RUNX3: variants seen among roughly 807,000 people sequenced by gnomAD.
RUNX3 encodes runt-related transcription factor 3.
Under a neutral mutation model 27.7 loss-of-function variants are expected in RUNX3, and 10 were observed. The observed-to-expected ratio is 0.36, with a 90% CI of 0.22 to 0.61. The LOEUF is 0.61. Among genes scored for constraint, RUNX3 ranks in the 20% least tolerant of loss-of-function variants. RUNX3 has a pLI of 0.72. For missense variants in RUNX3, 469 were observed against 629.5 expected (o/e 0.75, Z 2.73); for synonymous variants, 270 against 269.2 (o/e 1.00, Z -0.03).
intron 1 of RUNX3, chr1:24,929,065 G>A (rs910062649): frequency 6.6e-6 from 3 of 457,778 alleles, no homozygotes; most frequent in Non-Finnish European, 1.3e-5. Flanking sequence ...ATATCCCCGA[G>A]CAAACGTCTG....
intron 2 of RUNX3, among the ~76,000 whole-genome samples, chr1:24,963,318 T>G (rs1642168825): frequency 6.6e-6 from 1 of 152,022 alleles, no homozygotes; most frequent in Non-Finnish European, 1.5e-5. Context: ...CCTGAATCAC[T>G]CGGTCAGCCA....
At chr1:24,920,423 T>C (rs1345588607) in intron 2 of RUNX3, among the ~76,000 whole-genome samples, 2 of 152,200 alleles carry the variant, frequency 1.3e-5, no homozygotes, top group Non-Finnish European at 2.9e-5. Context: ...CCCTCGCGTG[T>C]GAGGCTGCGT....
chr1:24,951,932 G>A (rs1487935610), intron 2 of RUNX3, among the ~76,000 whole-genome samples: 1 of 152,182 alleles, frequency 6.6e-6, no homozygotes, highest in Non-Finnish European at 1.5e-5. Flanking sequence ...TTATGCCACT[G>A]CACTCCAGCC....
intron 3 of RUNX3, among the ~76,000 whole-genome samples, chr1:24,911,858 C>G (rs908915941): frequency 6.6e-6 from 1 of 152,238 alleles, no homozygotes; most frequent in Non-Finnish European, 1.5e-5. Flanking sequence ...ACCCCGGAAC[C>G]CACGCTCCCA....
rs765326218 is a variant in RUNX3, at chr1:24,929,638, G to T, written c.231C>A (p.Ser77=). The T allele has an allele frequency of 1.9e-6, 3 of 1,607,506 alleles. No homozygotes were observed. The highest frequency in any genetic ancestry group is 2.5e-6 in the Non-Finnish European group (3 of 1,178,638). The change falls in exon 1 of 5, where the codon TCC becomes TCA. Residue 77 remains serine (S), a synonymous_variant. Transcript: ENST00000308873. ...VRTDSPNFLC[S]VLPSHWRCNK... ...TGCAGCGCCAGTGCGAGGGCAGCAC[G>T]GAGCAGAGGAAGTTGGGGCTGTCGG...
intron 2 of RUNX3, among the ~76,000 whole-genome samples, chr1:24,949,421 G>C (rs1641701790): frequency 6.6e-6 from 1 of 152,068 alleles, no homozygotes; most frequent in Admixed American, 6.5e-5. Context: ...AGCATTTACT[G>C]AGCACCTCCT....
chr1:24,951,628 G>T (rs772370314), intron 2 of RUNX3, among the ~76,000 whole-genome samples: 10 of 152,160 alleles, frequency 6.6e-5, no homozygotes, highest in African/African-American at 1.9e-4. Context: ...AACCAAGCTC[G>T]TGGGGGCACC....
rs1029645604 is a variant in RUNX3, at chr1:24,962,545, G to A, written c.58+1969C>T. 9.8e-5 allele frequency among the ~76,000 whole-genome samples: 15 copies of A among 152,308 alleles called. No individual in the cohort carries two copies. Among genetic ancestry groups the A allele is most frequent in the Admixed American group, 5.9e-4 (9 of 15,302 alleles). On this transcript the variant is annotated intron_variant, in intron 2 of 6. Transcript: ENST00000338888. This position sits in a 1 kb window ranked among gnomAD's most constrained non-coding sequence, Gnocchi z 4.5. ...GGAGACAGGCCCCCATGGCGAGCAC[G>A]TCGTGAGCAGAAATGAACAGGAGAG...
chr1:24,949,053 A>T (rs1450023457), intron 2 of RUNX3, among the ~76,000 whole-genome samples: 3 of 152,052 alleles, frequency 2.0e-5, no homozygotes, highest in African/African-American at 4.8e-5. Flanking sequence ...TTATAACCAC[A>T]GTGAACACTG....
At chr1:24,917,953 C>T (rs2124278451) in intron 3 of RUNX3, among the ~76,000 whole-genome samples, 1 of 152,312 alleles carries the variant, frequency 6.6e-6, no homozygotes, top group South Asian at 2.1e-4. Flanking sequence ...AGGGCATGGG[C>T]TGGTCTATGT....
At chr1:24,964,654 T>C (rs1642212118) in exon 2 of RUNX3, 9 of 1,540,880 alleles carry the variant, frequency 5.8e-6, no homozygotes, top group East Asian at 2.4e-5. Flanking sequence ...GTTTTATTTT[T>C]TTTTCCTCTA....
At chr1:24,913,533 C>T (rs1485612335) in intron 3 of RUNX3, among the ~76,000 whole-genome samples, 2 of 152,244 alleles carry the variant, frequency 1.3e-5, no homozygotes, top group Non-Finnish European at 2.9e-5. Flanking sequence ...TTCTGGGTTC[C>T]CATTCTGACT....
chr1:24,916,857 C>T lies in RUNX3; in HGVS notation c.544+2383G>A, dbSNP rs1052647606. Among the ~76,000 whole-genome samples the T allele has an allele frequency of 2.0e-5, 3 of 152,298 alleles. No individual in the cohort carries two copies. Among genetic ancestry groups the T allele is most frequent in the African/African-American group, 4.8e-5 (2 of 41,550 alleles). On this transcript the variant is annotated intron_variant, in intron 3 of 4. Transcript: ENST00000308873. This position sits in a 1 kb window ranked among gnomAD's most constrained non-coding sequence, Gnocchi z 4.8. The stretch of plus-strand genomic sequence containing the variant: ...GTGCAGCAAGCCTGGCTTCTGACGC[C>T]GTGGGTCTCCAGGCCCAGCCTCTGT...
In RUNX3 at chr1:24,902,482, G is replaced by A; in HGVS notation, c.888C>T (p.Gly296=). The A allele has an allele frequency of 6.2e-7, 1 of 1,600,496 alleles. No individual in the cohort carries two copies. Among genetic ancestry groups the A allele is most frequent in the Non-Finnish European group, 8.5e-7 (1 of 1,170,310 alleles). ...GTSISSLSVA[G]MPATSRFHHT... is the part of the protein sequence containing the mutation. Reference sequence around the variant, plus strand: ...GGTGGAAGCGGCTGGTGGCCGGCATGCCCGCCACGCTGAGGCTGCTGATGC... The same window carrying A: ...GGTGGAAGCGGCTGGTGGCCGGCATACCCGCCACGCTGAGGCTGCTGATGC... Residue 296 remains glycine (G), a synonymous_variant, in exon 5 of 5, where the codon GGC becomes GGT. Coordinates refer to ENST00000308873, the MANE Select transcript of RUNX3 (RefSeq NM_004350.3). The surrounding 1 kb of genome is among the most constrained non-coding windows in gnomAD (Gnocchi z 9.2).
chr1:24,922,920 AT>A (rs1174686310), intron 2 of RUNX3, among the ~76,000 whole-genome samples: 2 of 151,696 alleles, frequency 1.3e-5, no homozygotes, highest in Non-Finnish European at 2.9e-5. Context: ...CCATCTACTC[AT>A]TTTGTCTCCT....
intron 3 of RUNX3, among the ~76,000 whole-genome samples, chr1:24,910,237 C>T (rs2124260703): frequency 7.1e-6 from 1 of 140,428 alleles, no homozygotes; most frequent in South Asian, 2.3e-4. Flanking sequence ...TGCAGTGAGC[C>T]AAGATCACAC....
intron 2 of RUNX3, among the ~76,000 whole-genome samples, chr1:24,954,396 CTG>C (rs2124372066): frequency 6.6e-6 from 1 of 152,286 alleles, no homozygotes; most frequent in East Asian, 1.9e-4. Flanking sequence ...TATTTTAACA[CTG>C]TGGATTCATA....
intron 3 of RUNX3, among the ~76,000 whole-genome samples, chr1:24,913,194 T>C (rs565813104): frequency 6.6e-6 from 1 of 152,354 alleles, no homozygotes; most frequent in African/African-American, 2.4e-5. Context: ...AAGCCCCGCG[T>C]TGGCCCTCAG....
intron 3 of RUNX3, among the ~76,000 whole-genome samples, chr1:24,911,147 T>C (rs541895133): frequency 6.6e-6 from 1 of 152,256 alleles, no homozygotes; most frequent in South Asian, 2.1e-4. Context: ...AGCAGAAGAA[T>C]CTTAACAGGC....
Sources: allele counts gnomAD v4.1 joint callset (sites outside exome capture counted in the v4.1 genomes callset), GRCh38; gene constraint gnomAD v4.1.1; non-coding constraint Gnocchi (gnomAD v3.1); transcripts MANE v1.5; gene names NCBI Gene and HGNC (gene_info 2026-07-23, HGNC 2026-07-21).